Variants in SH3BGRL2 observed in about 807,000 individuals in gnomAD.
SH3BGRL2 encodes SH3 domain binding glutamate rich protein like 2.
Under a neutral mutation model 14.8 loss-of-function variants are expected in SH3BGRL2, and 21 were observed. The ratio of observed to expected loss-of-function variants is 1.42; its 90% CI spans 1.01 to 2.05. SH3BGRL2 has a LOEUF of 2.05. Among genes scored for constraint, SH3BGRL2 ranks in the 30% most tolerant of loss-of-function variants. The probability of loss-of-function intolerance (pLI) is 0.00; values close to 1 mark genes in which losing one functional copy is unlikely to be tolerated. For missense variants in SH3BGRL2, 147 were observed against 130.8 expected (o/e 1.12, Z -0.61); for synonymous variants, 50 against 47.8 (o/e 1.05, Z -0.19).
chr6:79,583,632 G>A, the SH3BGRL2 span, among the ~76,000 whole-genome samples: 1 of 152,158 alleles, frequency 6.6e-6, no homozygotes, highest in East Asian at 1.9e-4. Flanking sequence ...GGCCTGTAAG[G>A]GGGTGGGGAG....
chr6:79,669,354 C>G (rs12176148), intron 1 of SH3BGRL2, among the ~76,000 whole-genome samples: 16,152 of 151,886 alleles, frequency 0.11, 1,142 homozygotes, highest in East Asian at 0.32. Flanking sequence ...GGAAAGTTCC[C>G]TATCTCACAG....
At chr6:79,605,361 GA>G in the SH3BGRL2 span, among the ~76,000 whole-genome samples, 1 of 151,886 alleles carries the variant, frequency 6.6e-6, no homozygotes, top group Non-Finnish European at 1.5e-5. Flanking sequence ...CAATTGTGAG[GA>G]AAAAAAATTA....
chr6:79,637,231 C>G (rs1225207049), intron 1 of SH3BGRL2, among the ~76,000 whole-genome samples: 2 of 152,090 alleles, frequency 1.3e-5, no homozygotes, highest in Non-Finnish European at 2.9e-5. Flanking sequence ...ATTTGATGTG[C>G]TTTTAATCCA....
At chr6:79,697,790 T>C (rs1310564386) in intron 3 of SH3BGRL2, among the ~76,000 whole-genome samples, 1 of 152,194 alleles carries the variant, frequency 6.6e-6, no homozygotes, top group Non-Finnish European at 1.5e-5. Context: ...AAAGTCCAGA[T>C]TTATCTTCAA....
At chr6:79,644,112 G>C (rs1769082894) in intron 1 of SH3BGRL2, among the ~76,000 whole-genome samples, 1 of 152,174 alleles carries the variant, frequency 6.6e-6, no homozygotes, top group Non-Finnish European at 1.5e-5. Flanking sequence ...TTGCTGTGGA[G>C]GTGTGCGCCC....
chr6:79,602,529 T>C, the SH3BGRL2 span, among the ~76,000 whole-genome samples: 1 of 152,160 alleles, frequency 6.6e-6, no homozygotes, highest in Non-Finnish European at 1.5e-5. Context: ...AATTGGAATA[T>C]AGGCTCCAGA....
the SH3BGRL2 span, among the ~76,000 whole-genome samples, chr6:79,588,230 T>G: frequency 6.7e-6 from 1 of 149,182 alleles, no homozygotes; most frequent in Non-Finnish European, 1.5e-5. Flanking sequence ...GAGGCAGAGG[T>G]TGCAGTGAGC....
At chr6:79,641,434 C>T (rs1769032070) in intron 1 of SH3BGRL2, among the ~76,000 whole-genome samples, 2 of 152,000 alleles carry the variant, frequency 1.3e-5, no homozygotes, top group African/African-American at 4.8e-5. Flanking sequence ...TATATTCAAC[C>T]CATGCACCTA....
intron 2 of SH3BGRL2, among the ~76,000 whole-genome samples, chr6:79,690,626 G>C (rs1291277778): frequency 6.6e-6 from 1 of 152,206 alleles, no homozygotes; most frequent in African/African-American, 2.4e-5. Context: ...TAAAGGAGTT[G>C]ATCAAGGTCA....
At chr6:79,621,546 A>G in the SH3BGRL2 span, among the ~76,000 whole-genome samples, 1 of 152,226 alleles carries the variant, frequency 6.6e-6, no homozygotes, top group Non-Finnish European at 1.5e-5. Flanking sequence ...TAAGTTACCC[A>G]GCTTATGGTA....
At chr6:79,595,906 C>T in the SH3BGRL2 span, among the ~76,000 whole-genome samples, 1 of 152,146 alleles carries the variant, frequency 6.6e-6, no homozygotes, top group African/African-American at 2.4e-5. Flanking sequence ...ATGACATAAT[C>T]TTGTATTTAG....
chr6:79,543,651 T>C, the SH3BGRL2 span, among the ~76,000 whole-genome samples: 5 of 152,168 alleles, frequency 3.3e-5, no homozygotes, highest in Non-Finnish European at 7.3e-5. Context: ...TAAAATCTTA[T>C]ATGGAAACCC....
intron 2 of SH3BGRL2, among the ~76,000 whole-genome samples, chr6:79,693,556 T>A (rs1770271289): frequency 6.6e-6 from 1 of 151,698 alleles, no homozygotes; most frequent in African/African-American, 2.4e-5. Flanking sequence ...TATTGAGAGT[T>A]TTTAGCATGA....
intron 1 of SH3BGRL2, among the ~76,000 whole-genome samples, chr6:79,657,210 G>A (rs1442037401): frequency 2.0e-5 from 3 of 152,044 alleles, no homozygotes; most frequent in Non-Finnish European, 4.4e-5. Flanking sequence ...TTCTGAAAAG[G>A]CAGTGATATA....
At chr6:79,677,979 G>A (rs1769918175) in intron 2 of SH3BGRL2, among the ~76,000 whole-genome samples, 1 of 149,644 alleles carries the variant, frequency 6.7e-6, no homozygotes, top group African/African-American at 2.6e-5. Context: ...TTCTCACTCT[G>A]TGGAACTGGC....
the SH3BGRL2 span, chr6:79,552,711 A>G: frequency 1.3e-5 from 2 of 152,354 alleles, no homozygotes; most frequent in East Asian, 3.9e-4. Context: ...ATCCAGACCT[A>G]CAGAATAAGA....
Position 79,673,971 on chromosome 6 carries a change from T to G in SH3BGRL2, c.231+172T>G, listed in dbSNP as rs186966863. Among the ~76,000 whole-genome samples, 352 of 152,192 alleles carry G rather than the reference T, an allele frequency of 2.3e-3. 2 individuals carry two copies. The highest frequency in any genetic ancestry group is 8.2e-3 in the African/African-American group (341 of 41,526). On this transcript the variant is annotated intron_variant, in intron 2 of 3. Coordinates refer to ENST00000369838, the MANE Select transcript of SH3BGRL2 (RefSeq NM_031469.4). ...GAGAAGGGATGTGAGTCCAAGGTCA[T>G]GGACTGTGTATGTATGTGCGAGGGT...
the SH3BGRL2 span, among the ~76,000 whole-genome samples, chr6:79,549,565 A>G: frequency 1.3e-5 from 2 of 152,230 alleles, no homozygotes; most frequent in African/African-American, 4.8e-5. Context: ...TATTCAGTAT[A>G]GTAACATGCT....
chr6:79,668,916 C>T (rs141385148), intron 1 of SH3BGRL2, among the ~76,000 whole-genome samples: 2 of 152,294 alleles, frequency 1.3e-5, no homozygotes, highest in East Asian at 3.9e-4. Context: ...TTAGATGTAG[C>T]ATCCTAAGCA....
Sources: gnomAD v4.1 joint callset for allele counts (sites outside exome capture counted in the v4.1 genomes callset) on GRCh38, gnomAD v4.1.1 for gene constraint, MANE v1.5 for transcripts, NCBI Gene and HGNC (gene_info 2026-07-23, HGNC 2026-07-21) for gene names.